The following RAB5C variants were observed in gnomAD, a reference collection of about 807,000 sequenced individuals.
RAB5C encodes ras-related protein Rab-5C.
In RAB5C, 4 loss-of-function variants were observed where a neutral mutation model predicts 25.2. The observed-to-expected ratio is 0.16, with a 90% CI of 0.08 to 0.36. The LOEUF (loss-of-function observed/expected upper bound fraction) is 0.36, where lower values mean the gene tolerates loss of function less well. Ranked by LOEUF, RAB5C falls within the 10% of genes least tolerant of loss-of-function variation. RAB5C has a pLI of 1.00. For synonymous variants in RAB5C, 100 were observed against 106.4 expected (o/e 0.94, Z 0.37); for missense variants, 199 against 283.8 (o/e 0.70, Z 2.15).
chr17:42,151,345 G>C (rs2079670022), intron 1 of RAB5C, among the ~76,000 whole-genome samples: 1 of 151,988 alleles, frequency 6.6e-6, no homozygotes, highest in Non-Finnish European at 1.5e-5. Flanking sequence ...GCTGAGGTAG[G>C]AGAATGGCAT....
intron 2 of RAB5C, 100 bp from the exon 3 acceptor site, chr17:42,128,900 C>A: frequency 9.0e-7 from 1 of 1,116,598 alleles, no homozygotes; most frequent in African/African-American, 1.6e-5. Context: ...AAGCCCACCA[C>A]TGAGATGGGC....
chr17:42,142,311 A>G (rs1230353057), intron 1 of RAB5C, among the ~76,000 whole-genome samples: 3 of 152,124 alleles, frequency 2.0e-5, no homozygotes, highest in East Asian at 1.9e-4. Context: ...CTGAGATTAC[A>G]GGCATGAGCC....
intron 1 of RAB5C, among the ~76,000 whole-genome samples, chr17:42,146,208 G>C (rs893226271): frequency 2.6e-5 from 4 of 152,180 alleles, no homozygotes; most frequent in East Asian, 1.9e-4. Flanking sequence ...AGCCTAAAGA[G>C]ACAATGAATA....
At chr17:42,134,150 G>A (rs902398873) in intron 1 of RAB5C, among the ~76,000 whole-genome samples, 8 of 152,084 alleles carry the variant, frequency 5.3e-5, no homozygotes, top group Non-Finnish European at 1.0e-4. Flanking sequence ...AGGCCAGACC[G>A]AGAGCCCCAG....
At chr17:42,128,517 C>T in intron 3 of RAB5C, 132 bp downstream of exon 3, 1 of 1,419,472 alleles carries the variant, frequency 7.0e-7, no homozygotes, top group Non-Finnish European at 9.5e-7. Context: ...GCAATGTCCC[C>T]AAACAGGAAA....
chr17:42,128,763 T>C lies in RAB5C; in HGVS notation c.204A>G (p.Thr68=). The part of the protein sequence containing the change: ...FLTQTVCLDD[T]TVKFEIWDTA... ...TGTCCCAGATCTCAAACTTGACTGT[T>C]GTGTCATCCAGGCAGACAGTCTGTG... is the stretch of plus-strand genomic sequence containing the variant. Residue 68 remains threonine, a synonymous_variant, in exon 3 of 6, where the codon ACA becomes ACG. Transcript: ENST00000346213. 1.3e-6 allele frequency: 2 copies of C among 1,577,106 alleles called. No homozygotes were observed. The highest frequency in any genetic ancestry group is 2.3e-5 in the South Asian group (2 of 85,786).
At chr17:42,135,621 G>A (rs1023657758) in intron 1 of RAB5C, among the ~76,000 whole-genome samples, 13 of 152,300 alleles carry the variant, frequency 8.5e-5, no homozygotes, top group African/African-American at 3.1e-4. Context: ...GCATGTGTAA[G>A]TCCATGAATG....
At chr17:42,146,641 C>T (rs2079636656) in intron 1 of RAB5C, among the ~76,000 whole-genome samples, 1 of 152,006 alleles carries the variant, frequency 6.6e-6, no homozygotes, top group South Asian at 2.1e-4. Context: ...CCCAGCTACT[C>T]GGGAGGCTGA....
intron 1 of RAB5C, among the ~76,000 whole-genome samples, chr17:42,146,099 G>A (rs974404926): frequency 1.3e-5 from 2 of 152,022 alleles, no homozygotes; most frequent in Admixed American, 1.3e-4. Context: ...GAGTCACCGC[G>A]CCTGGCCGAG....
intron 1 of RAB5C, among the ~76,000 whole-genome samples, chr17:42,140,348 G>A (rs796320811): frequency 2.0e-5 from 3 of 151,816 alleles, no homozygotes; most frequent in African/African-American, 7.2e-5. Flanking sequence ...CAATCCAAAT[G>A]CCTCCTGTTC....
At chr17:42,132,685 T>C (rs183659622) in intron 1 of RAB5C, among the ~76,000 whole-genome samples, 26 of 150,016 alleles carry the variant, frequency 1.7e-4, no homozygotes, top group Admixed American at 1.1e-3. Flanking sequence ...TAATTAAAAT[T>C]TTCTTTCTTT....
At chr17:42,151,877 C>CGCTAGTGATGAGGAGG (rs1267727762) in intron 1 of RAB5C, among the ~76,000 whole-genome samples, 1 of 151,944 alleles carries the variant, frequency 6.6e-6, no homozygotes, top group African/African-American at 2.4e-5. Context: ...AACAGAGGAG[C>CGCTAGTGATGAGGAGG]GCTAGTGATG....
intron 2 of RAB5C, among the ~76,000 whole-genome samples, 174 bp from the exon 3 acceptor site, chr17:42,128,974 T>C (rs2054458079): frequency 6.6e-6 from 1 of 152,004 alleles, no homozygotes; most frequent in Admixed American, 6.5e-5. Flanking sequence ...TGGATTTTTA[T>C]GTATGTGTCT....
intron 1 of RAB5C, among the ~76,000 whole-genome samples, chr17:42,132,688 CT>C (rs1326818388): frequency 6.6e-6 from 1 of 150,834 alleles, no homozygotes; most frequent in Non-Finnish European, 1.5e-5. Flanking sequence ...TTAAAATTTT[CT>C]TTCTTTCTTT....
chr17:42,147,168 G>A (rs916900685), intron 1 of RAB5C, among the ~76,000 whole-genome samples: 3 of 145,690 alleles, frequency 2.1e-5, no homozygotes, highest in African/African-American at 7.6e-5. Flanking sequence ...GAGAGAGAGA[G>A]AGAAAGAAAG....
At chr17:42,152,785 A>AC (rs1389771665) in intron 1 of RAB5C, among the ~76,000 whole-genome samples, 2 of 152,026 alleles carry the variant, frequency 1.3e-5, no homozygotes, top group Admixed American at 1.3e-4. Context: ...TCTCCAAAAA[A>AC]AAAAAAAAAG....
At chr17:42,148,785 A>G (rs536690935) in intron 1 of RAB5C, among the ~76,000 whole-genome samples, 20 of 152,346 alleles carry the variant, frequency 1.3e-4, no homozygotes, top group African/African-American at 4.3e-4. Flanking sequence ...GGCAAAGTGA[A>G]CAGTAGGCAT....
At chr17:42,134,022 G>A (rs2054511836) in intron 1 of RAB5C, among the ~76,000 whole-genome samples, 1 of 152,144 alleles carries the variant, frequency 6.6e-6, no homozygotes, top group African/African-American at 2.4e-5. Context: ...TGGTTTGCCT[G>A]GCCCTGCTTG....
chr17:42,145,209 C>T (rs562481604), intron 1 of RAB5C, among the ~76,000 whole-genome samples: 2 of 152,046 alleles, frequency 1.3e-5, no homozygotes, highest in East Asian at 3.9e-4. Context: ...TTTAGTAACT[C>T]ATGTAGCTAC....
Sources: allele counts gnomAD v4.1 joint callset (sites outside exome capture counted in the v4.1 genomes callset), GRCh38; gene constraint gnomAD v4.1.1; transcripts MANE v1.5; gene names NCBI Gene and HGNC (gene_info 2026-07-23, HGNC 2026-07-21).